Variants in PANK2 observed in about 807,000 individuals in gnomAD.
PANK2 encodes the protein pantothenate kinase 2, also known as pantothenate kinase 2, mitochondrial.
In PANK2, 36 loss-of-function variants were observed where a neutral mutation model predicts 43.1. The ratio of observed to expected loss-of-function variants is 0.84; its 90% CI spans 0.64 to 1.10. The LOEUF (loss-of-function observed/expected upper bound fraction) is 1.10, where lower values mean the gene tolerates loss of function less well. PANK2 is among the 50% of genes least tolerant of loss of function. The probability of loss-of-function intolerance (pLI) is 0.00; values close to 1 mark genes in which losing one functional copy is unlikely to be tolerated. For missense variants in PANK2, 576 were observed against 593.3 expected (o/e 0.97, Z 0.30); for synonymous variants, 281 against 238.2 (o/e 1.18, Z -1.66).
chr20:3,894,918 T>G (rs1037428729), intron 1 of PANK2, among the ~76,000 whole-genome samples: 5 of 152,174 alleles, frequency 3.3e-5, no homozygotes, highest in Non-Finnish European at 5.9e-5. Context: ...ATAATATGGT[T>G]GTTTAGTGTT....
Position 3,926,054 on chromosome 20 carries a change from G to GA in PANK2, c.*2761dup, listed in dbSNP as rs1342410456. ...AGATGGGAGGTGGGTGGCCAGAATG[G>GA]AGAGGGGAGAAGTGGATGGCCAGAA... On this transcript the variant is annotated 3_prime_UTR_variant, in exon 7 of 7. Transcript: ENST00000610179. 6.6e-6 allele frequency: 1 copy of GA among 152,546 alleles called. No individual in the cohort carries two copies. The highest frequency in any genetic ancestry group is 1.5e-5 in the Non-Finnish European group (1 of 68,288). 9.4% of individuals were successfully genotyped at this position (152,546 alleles called of 1,614,324 possible). A position where few individuals can be genotyped will look rare whatever the true frequency, so the allele number is the denominator to read the frequency against.
chr20:3,917,382 G>A (rs984078158), intron 5 of PANK2: 15 of 523,846 alleles, frequency 2.9e-5, no homozygotes, highest in African/African-American at 2.3e-4. Flanking sequence ...ACTCACTGCT[G>A]AGCTCTAGAG....
chr20:3,889,248 T>C (rs1301272457), upstream of PANK2: 1 of 1,613,058 alleles, frequency 6.2e-7, no homozygotes. Context: ...TAGCCTCTCA[T>C]TGGACGGAGG....
intron 1 of PANK2, among the ~76,000 whole-genome samples, chr20:3,905,846 G>A (rs1396215625): frequency 2.0e-5 from 3 of 150,404 alleles, no homozygotes; most frequent in African/African-American, 7.4e-5. Context: ...CTCCTGAGTA[G>A]CTATGATTAC....
At chr20:3,910,951 A>C (rs2090459772) in intron 3 of PANK2, 121 bp downstream of exon 3, 2 of 1,254,466 alleles carry the variant, frequency 1.6e-6, no homozygotes, top group Non-Finnish European at 2.3e-6. Flanking sequence ...GATTATGCAA[A>C]CAAATGTTTC....
chr20:3,889,663 G>T lies in PANK2; in HGVS notation c.233G>T (p.Gly78Val), dbSNP rs1380924374. The change falls in exon 1 of 7, where the codon GGC becomes GTC. Residue 78 changes from glycine to valine, a missense_variant. Transcript: ENST00000610179. ...GAGGGCACGAGGCGGGATCGACTGG[G>T]CTCTTACAGCGGCCCCACCTCGGTC... 6.3e-7 allele frequency: 1 copy of T among 1,589,626 alleles called. No individual in the cohort carries two copies. Among genetic ancestry groups the T allele is most frequent in the African/African-American group, 1.3e-5 (1 of 74,880 alleles).
At chr20:3,906,058 G>A (rs2090382097) in intron 1 of PANK2, among the ~76,000 whole-genome samples, 2 of 152,064 alleles carry the variant, frequency 1.3e-5, no homozygotes, top group African/African-American at 2.4e-5. Flanking sequence ...AGATTGGGAG[G>A]GGAAGCATGT....
chr20:3,897,989 A>G (rs2090237204), intron 1 of PANK2, among the ~76,000 whole-genome samples: 1 of 150,510 alleles, frequency 6.6e-6, no homozygotes, highest in Non-Finnish European at 1.5e-5. Flanking sequence ...TGAGCAACAG[A>G]GCGAGACTCC....
intron 1 of PANK2, among the ~76,000 whole-genome samples, chr20:3,895,498 C>CT (rs1431212995): frequency 0.12 from 9,678 of 81,654 alleles, 422 homozygotes; most frequent in East Asian, 0.24. Context: ...TTTTTTTTTT[C>CT]TTTTTTTTTT....
rs1435060380 is a variant in PANK2 at position 3,925,259 on chromosome 20, C to G, written c.*1965C>G. On this transcript the variant is annotated 3_prime_UTR_variant, in exon 7 of 7. Transcript: ENST00000610179. ...TCACTCCACAGCAGGGTTTTTGAGACAGTCTCGCTGTGTCACCCAGGTGGA... is the reference window on the plus strand; with the variant it reads ...TCACTCCACAGCAGGGTTTTTGAGAGAGTCTCGCTGTGTCACCCAGGTGGA... 6.6e-6 allele frequency: 1 copy of G among 152,430 alleles called. No individual in the cohort carries two copies. Among genetic ancestry groups the G allele is most frequent in the African/African-American group, 2.4e-5 (1 of 41,460 alleles). 9.4% of individuals were successfully genotyped at this position (152,430 alleles called of 1,614,324 possible).
chr20:3,890,473 G>T (rs1412475989), intron 1 of PANK2, among the ~76,000 whole-genome samples: 1 of 152,190 alleles, frequency 6.6e-6, no homozygotes, highest in Non-Finnish European at 1.5e-5. Flanking sequence ...TTTCTGTGTT[G>T]TGTATTTTCT....
At chr20:3,912,364 A>C (rs1190644199) in intron 3 of PANK2, 94 bp from the exon 4 acceptor site, 1 of 1,339,726 alleles carries the variant, frequency 7.5e-7, no homozygotes, top group East Asian at 2.3e-5. Context: ...ATTGGGTTGG[A>C]TATGTGAATA....
chr20:3,917,020 C>G lies in PANK2; in HGVS notation c.1176C>G (p.Gly392=), dbSNP rs1303302675. 2 of 1,613,962 alleles carry G rather than the reference C, an allele frequency of 1.2e-6. No individual in the cohort carries two copies. Among genetic ancestry groups the G allele is most frequent in the Non-Finnish European group, 1.7e-6 (2 of 1,179,972 alleles). Residue 392 remains glycine, a synonymous_variant, in exon 5 of 7, where the codon GGC becomes GGG. Coordinates refer to ENST00000610179, the MANE Select transcript of PANK2 (RefSeq NM_001386393.1). ...TGATCACCATCACCAACAACATTGG[C>G]TCAATAGCAAGAATGTGTGCCCTTA... is the stretch of plus-strand genomic sequence containing the variant.
intron 1 of PANK2, among the ~76,000 whole-genome samples, chr20:3,898,050 T>G (rs1202545366): frequency 6.6e-6 from 1 of 152,180 alleles, no homozygotes; most frequent in Non-Finnish European, 1.5e-5. Context: ...TGGATTTTGT[T>G]TTTTGGAATC....
At chr20:3,917,172 GCACGAAGTTA>G in intron 5 of PANK2, 122 bp downstream of exon 5, 2 of 1,293,182 alleles carry the variant, frequency 1.5e-6, no homozygotes, top group African/African-American at 3.0e-5. Flanking sequence ...GTTTGTTTTA[GCACGAAGTTA>G]AAACTCTTCA....
rs201932962 is a variant in PANK2 at position 3,912,640 on chromosome 20, G to A, written c.1082+6G>A. 1 of 1,613,610 alleles carries A rather than the reference G, an allele frequency of 6.2e-7. No individual in the cohort carries two copies. Among genetic ancestry groups the A allele is most frequent in the East Asian group, 2.2e-5 (1 of 44,854 alleles). The stretch of plus-strand genomic sequence containing the variant: ...GGCTGGGCTGTGGCTTCAAGGTAAG[G>A]GGGCATGTGTGTTCTAAGAAATACA... On this transcript the variant is annotated splice_donor_region_variant and intron_variant, in intron 4 of 6. Coordinates refer to ENST00000610179, the MANE Select transcript of PANK2 (RefSeq NM_001386393.1).
At chr20:3,913,279 A>G (rs2090498576) in intron 4 of PANK2, among the ~76,000 whole-genome samples, 2 of 152,214 alleles carry the variant, frequency 1.3e-5, no homozygotes, top group South Asian at 4.1e-4. Flanking sequence ...TTCTTCATAT[A>G]GCATATGTTT....
chr20:3,906,474 C>T (rs1464836932), intron 1 of PANK2, among the ~76,000 whole-genome samples: 1 of 151,972 alleles, frequency 6.6e-6, no homozygotes, highest in African/African-American at 2.4e-5. Flanking sequence ...ATATACCCAG[C>T]CTATTGAACA....
chr20:3,905,687 A>G (rs2090374556), intron 1 of PANK2, among the ~76,000 whole-genome samples: 1 of 149,220 alleles, frequency 6.7e-6, no homozygotes, highest in Non-Finnish European at 1.5e-5. Context: ...TTAGAAAATA[A>G]TATATCAAAT....
Sources: allele counts gnomAD v4.1 joint callset (sites outside exome capture counted in the v4.1 genomes callset), GRCh38; gene constraint gnomAD v4.1.1; transcripts MANE v1.5; gene names NCBI Gene and HGNC (gene_info 2026-07-23, HGNC 2026-07-21).